Variants in UBR2 observed in about 807,000 individuals in gnomAD.
UBR2 encodes the protein E3 ubiquitin-protein ligase UBR2.
In UBR2, 92 loss-of-function variants were observed where a neutral mutation model predicts 247.9. The observed-to-expected ratio is 0.37, with a 90% confidence interval of 0.31 to 0.44. The LOEUF (loss-of-function observed/expected upper bound fraction) is 0.44, where lower values mean the gene tolerates loss of function less well. Among genes scored for constraint, UBR2 ranks in the 20% least tolerant of loss-of-function variants. The pLI, the probability that UBR2 is intolerant of heterozygous loss-of-function variation, is 1.00. For synonymous variants in UBR2, 672 were observed against 693.5 expected, an observed-to-expected ratio of 0.97 and a Z score of 0.49; for missense variants, 1,613 against 2,112.6, an observed-to-expected ratio of 0.76 and a Z score of 4.64.
intron 30 of UBR2, 47 bp from the exon 31 acceptor site, chr6:42,662,137 A>G (rs1264406310): frequency 2.4e-6 from 3 of 1,264,876 alleles, no homozygotes; most frequent in Non-Finnish European, 3.4e-6. Context: ...TTATAGGAAA[A>G]TTAAATGCTT....
chr6:42,652,613 G>A lies in UBR2; in HGVS notation c.2737G>A (p.Gly913Arg). Reference protein sequence around the residue: ...TILQWAVEHNGYAWSESMLQR... With the variant: ...TILQWAVEHNRYAWSESMLQR... ...TCTGCAATGGGCTGTGGAACATAATGGATATGCCTGGTCAGAGTCCATGCT... is the reference window on the plus strand; with the variant it reads ...TCTGCAATGGGCTGTGGAACATAATAGATATGCCTGGTCAGAGTCCATGCT... The change falls in exon 25 of 47, where the codon GGA becomes AGA. Residue 913 changes from glycine (G) to arginine (R), a missense_variant. Coordinates refer to ENST00000372901, the MANE Select transcript of UBR2 (RefSeq NM_001363705.2). 6.2e-7 allele frequency: 1 copy of A among 1,612,944 alleles called. No homozygotes were observed. The highest frequency in any genetic ancestry group is 8.5e-7 in the Non-Finnish European group (1 of 1,179,768).
intron 4 of UBR2, among the ~76,000 whole-genome samples, chr6:42,596,059 T>C (rs1256908057): frequency 6.7e-6 from 1 of 150,212 alleles, no homozygotes; most frequent in Non-Finnish European, 1.5e-5. Context: ...AAACCACTGG[T>C]ATAAAACTTT....
At chr6:42,667,827 TC>T (rs1326195202) in intron 34 of UBR2, among the ~76,000 whole-genome samples, 1 of 149,654 alleles carries the variant, frequency 6.7e-6, no homozygotes, top group African/African-American at 2.5e-5. Context: ...TGGCGTGATC[TC>T]AGCTCCCTGC....
At chr6:42,625,036 A>G (rs1172839438) in intron 11 of UBR2, among the ~76,000 whole-genome samples, 1 of 152,152 alleles carries the variant, frequency 6.6e-6, no homozygotes, top group Non-Finnish European at 1.5e-5. Flanking sequence ...TTTGGCCTAC[A>G]CCCCAGAATG....
chr6:42,585,742 G>A (rs1792211400), intron 2 of UBR2, among the ~76,000 whole-genome samples: 1 of 151,990 alleles, frequency 6.6e-6, no homozygotes, highest in African/African-American at 2.4e-5. Flanking sequence ...TTTTGCTTTT[G>A]ATGTCTGTGG....
chr6:42,614,316 A>ATG (rs1794326126), intron 8 of UBR2, among the ~76,000 whole-genome samples: 12 of 111,374 alleles, frequency 1.1e-4, no homozygotes, highest in Admixed American at 2.0e-4. Context: ...GTATATGGGT[A>ATG]TGTATATATG....
rs533398406 is a variant in UBR2, at chr6:42,690,658, T to G, written c.5127-374T>G. Among the ~76,000 whole-genome samples the G allele has an allele frequency of 2.6e-5, 4 of 152,282 alleles. No individual in the cohort carries two copies. In the East Asian group the frequency reaches 5.8e-4, roughly 22 times the overall value. Reference sequence around the variant, plus strand: ...GTGAGGAATATTTTTACTCCTATAATTCTTCTTTTGTGTTCTCCTCTGCCC... The same window carrying G: ...GTGAGGAATATTTTTACTCCTATAAGTCTTCTTTTGTGTTCTCCTCTGCCC... On this transcript the variant is annotated intron_variant, in intron 46 of 46. Transcript: ENST00000372901.
In UBR2 at chr6:42,573,696, G is replaced by T; in HGVS notation, c.79-38G>T. 3.5e-6 allele frequency: 5 copies of T among 1,448,984 alleles called. No homozygotes were observed. In the South Asian group the frequency reaches 6.2e-5, roughly 18 times the overall value. 89.8% of individuals were successfully genotyped at this position (1,448,984 alleles called of 1,614,324 possible). A position where few individuals can be genotyped will look rare whatever the true frequency, so the allele number is the denominator to read the frequency against. The stretch of plus-strand genomic sequence containing the variant: ...TGAATTTGTTCAAATTAGTTTGTTG[G>T]TGTTTAAAACCATTTCTTCTCTTTT... On this transcript the variant is annotated intron_variant, in intron 1 of 46. Transcript: ENST00000372901.
intron 11 of UBR2, among the ~76,000 whole-genome samples, chr6:42,621,038 G>A (rs1794966778): frequency 6.6e-6 from 1 of 152,044 alleles, no homozygotes; most frequent in Admixed American, 6.6e-5. Flanking sequence ...GGACAGACTG[G>A]TCTCAAACTT....
intron 34 of UBR2, among the ~76,000 whole-genome samples, chr6:42,667,007 G>C (rs1461217962): frequency 6.6e-6 from 1 of 152,122 alleles, no homozygotes; most frequent in East Asian, 1.9e-4. Flanking sequence ...CCTGAAAGCT[G>C]TGCCTGGCAT....
intron 8 of UBR2, among the ~76,000 whole-genome samples, chr6:42,614,415 C>CGTACATACGTATATATGTAT (rs1554250447): frequency 5.6e-5 from 5 of 89,220 alleles, no homozygotes; most frequent in East Asian, 3.2e-4. Context: ...TATGTATGTA[C>CGTACATACGTATATATGTAT]GTACGTACAT....
intron 2 of UBR2, 79 bp downstream of exon 2, chr6:42,574,072 G>C: frequency 2.2e-6 from 3 of 1,384,356 alleles, no homozygotes; most frequent in Middle Eastern, 2.0e-4. Context: ...TTGAGTTTTT[G>C]TTTAAAAATT....
At position 42,580,950 on chromosome 6, in the gene UBR2, A is replaced by G. The variant is rs1791848837; in HGVS notation, c.338+6957A>G. On this transcript the variant is annotated intron_variant, in intron 2 of 46. Coordinates refer to ENST00000372901, the MANE Select transcript of UBR2 (RefSeq NM_001363705.2). ...TCCCTGTCATTGGCTCCAGCCGCCT[A>G]GGTAACCACTGTGTTGATATTGTCA... is the stretch of plus-strand genomic sequence containing the variant. Among the ~76,000 whole-genome samples the G allele has an allele frequency of 2.7e-5, 4 of 150,150 alleles. No individual in the cohort carries two copies. In the South Asian group the frequency reaches 6.3e-4, roughly 24 times the overall value.
chr6:42,566,537 G>A (rs187685466), intron 1 of UBR2, among the ~76,000 whole-genome samples: 52 of 152,200 alleles, frequency 3.4e-4, no homozygotes, highest in African/African-American at 1.1e-3. Context: ...ACAGGCGTAC[G>A]CCACCACGCC....
intron 11 of UBR2, among the ~76,000 whole-genome samples, chr6:42,632,069 A>AAT (rs1554254886): frequency 0.053 from 6,080 of 113,978 alleles, 254 homozygotes; most frequent in African/African-American, 0.12. Flanking sequence ...AAAAAAAAAA[A>AAT]ATATATATAT....
Position 42,676,835 on chromosome 6 carries a change from T to G in UBR2, c.4440T>G (p.Val1480=). 1 of 1,614,056 alleles carries G rather than the reference T, an allele frequency of 6.2e-7. No individual in the cohort carries two copies. ...CCCCTTGTGAAGAAGAATCAGCAGTTCTTGCTTTGTATAAAACACTTCACC... is the reference window on the plus strand; with the variant it reads ...CCCCTTGTGAAGAAGAATCAGCAGTGCTTGCTTTGTATAAAACACTTCACC... ...ENPPCEEESA[V]LALYKTLHQY... is the part of the protein sequence containing the mutation. Residue 1480 remains valine (V), a synonymous_variant, in exon 40 of 47, where the codon GTT becomes GTG. Coordinates refer to ENST00000372901, the MANE Select transcript of UBR2 (RefSeq NM_001363705.2).
chr6:42,624,303 A>AT (rs34628959), intron 11 of UBR2, among the ~76,000 whole-genome samples: 34,026 of 137,966 alleles, frequency 0.25, 4,377 homozygotes, highest in East Asian at 0.45. Context: ...CACTTGGCTA[A>AT]TTTTTTTTTT....
At chr6:42,574,394 T>C (rs1417725156) in intron 2 of UBR2, among the ~76,000 whole-genome samples, 1 of 152,230 alleles carries the variant, frequency 6.6e-6, no homozygotes, top group Admixed American at 6.5e-5. Context: ...TTGTGGGTGC[T>C]TCTTTCCTTT....
intron 34 of UBR2, among the ~76,000 whole-genome samples, chr6:42,669,737 G>T (rs1798323667): frequency 6.6e-6 from 1 of 152,206 alleles, no homozygotes; most frequent in African/African-American, 2.4e-5. Flanking sequence ...GAATGTCTGT[G>T]TAAAAACAAC....
Sources: gnomAD v4.1 joint callset for allele counts (sites outside exome capture counted in the v4.1 genomes callset) on GRCh38, gnomAD v4.1.1 for gene constraint, MANE v1.5 for transcripts, NCBI Gene and HGNC (gene_info 2026-07-23, HGNC 2026-07-21) for gene names.